The following DNAAF1 variants were observed in gnomAD, a reference collection of about 807,000 sequenced individuals.
DNAAF1 encodes dynein assembly factor 1, axonemal.
In DNAAF1, 65 loss-of-function variants were observed where a neutral mutation model predicts 71.1. The observed-to-expected ratio is 0.91, with a 90% CI of 0.75 to 1.12. The LOEUF (loss-of-function observed/expected upper bound fraction) is 1.12. Ranked by LOEUF, DNAAF1 falls within the 50% of genes most tolerant of loss-of-function variation. DNAAF1 has a pLI of 0.00. For synonymous variants in DNAAF1, 414 were observed against 354.6 expected (o/e 1.17, Z -1.88); for missense variants, 1,178 against 899.8 (o/e 1.31, Z -3.96).
chr16:84,168,950 G>A (rs1382384144), intron 7 of DNAAF1, among the ~76,000 whole-genome samples: 2 of 151,830 alleles, frequency 1.3e-5, no homozygotes, highest in Non-Finnish European at 2.9e-5. Flanking sequence ...AGAACTGCCT[G>A]CATTCTATTT....
chr16:84,148,391 AG>A (rs1200858715), intron 1 of DNAAF1, among the ~76,000 whole-genome samples: 3 of 152,190 alleles, frequency 2.0e-5, no homozygotes, highest in African/African-American at 7.2e-5. Context: ...TTATGTAACC[AG>A]CCCCTATGGA....
intron 10 of DNAAF1, chr16:84,174,960 A>G (rs1046003762): frequency 1.1e-5 from 5 of 472,474 alleles, no homozygotes; most frequent in Admixed American, 9.2e-5. Context: ...GGTTCAAGCA[A>G]TTCTCCTGTC....
chr16:84,159,636 CT>C (rs1282958540), intron 5 of DNAAF1, 38 bp from the exon 6 acceptor site: 1 of 1,582,834 alleles, frequency 6.3e-7, no homozygotes, highest in Non-Finnish European at 8.6e-7. Flanking sequence ...TCAATCGCAT[CT>C]TTCAGTAATC....
chr16:84,164,895 C>T (rs141947929), intron 6 of DNAAF1, among the ~76,000 whole-genome samples: 3 of 152,296 alleles, frequency 2.0e-5, no homozygotes, highest in Admixed American at 1.3e-4. Context: ...AACAAGTGAG[C>T]GTTGCCGGGA....
intron 3 of DNAAF1, 54 bp from the exon 4 acceptor site, chr16:84,154,523 A>G: frequency 1.3e-6 from 2 of 1,525,842 alleles, no homozygotes; most frequent in Non-Finnish European, 1.8e-6. Context: ...GGTGACCGTG[A>G]CCCCTCTGCC....
chr16:84,177,359 T>C (rs1307917527), intron 11 of DNAAF1: 3 of 350,364 alleles, frequency 8.6e-6, no homozygotes, highest in South Asian at 2.2e-5. Flanking sequence ...CACTGCAACC[T>C]CTGCCTCCTA....
intron 2 of DNAAF1, among the ~76,000 whole-genome samples, chr16:84,149,543 T>C (rs2087082725): frequency 6.7e-6 from 1 of 150,350 alleles, no homozygotes; most frequent in Non-Finnish European, 1.5e-5. Context: ...TACAAAAAAT[T>C]AGCTGGGCGT....
chr16:84,159,155 C>T (rs2087582299), intron 5 of DNAAF1: 8 of 995,670 alleles, frequency 8.0e-6, no homozygotes, highest in Non-Finnish European at 9.6e-6. Flanking sequence ...TAAGTGACAG[C>T]GGGGAGAGCT....
At chr16:84,167,014 A>G (rs1019744700) in intron 7 of DNAAF1, among the ~76,000 whole-genome samples, 2 of 152,022 alleles carry the variant, frequency 1.3e-5, no homozygotes, top group African/African-American at 4.8e-5. Context: ...GTGATGGGCA[A>G]TGGTCTCGCA....
intron 3 of DNAAF1, among the ~76,000 whole-genome samples, chr16:84,153,451 A>T (rs925223172): frequency 6.6e-6 from 1 of 152,242 alleles, no homozygotes; most frequent in Non-Finnish European, 1.5e-5. Context: ...ATAGGATTTT[A>T]AAAAGTCTAT....
rs544470561 is a variant in DNAAF1, at chr16:84,159,885, G to A, written c.863+89G>A. The A allele has an allele frequency of 1.8e-5, 27 of 1,489,042 alleles. No individual in the cohort carries two copies. The South Asian group carries it at 3.1e-4, about 17-fold the overall frequency. 92.2% of individuals were successfully genotyped at this position (1,489,042 alleles called of 1,614,324 possible). ...AACTTTTTAAATTTCTGATTCTTGA[G>A]AAATTTCACATATCAAAAATGTTCT... On this transcript the variant is annotated intron_variant, in intron 6 of 11. Transcript: ENST00000378553.
At chr16:84,176,513 C>A (rs1002686733) in intron 11 of DNAAF1, 75 of 694,854 alleles carry the variant, frequency 1.1e-4, no homozygotes, top group Non-Finnish European at 7.3e-6. Context: ...CAGGAAGCCA[C>A]CGAGCCAGCC....
chr16:84,175,769 C>G (rs1207547470), intron 10 of DNAAF1, 164 bp from the exon 11 acceptor site: 6 of 866,618 alleles, frequency 6.9e-6, no homozygotes, highest in Non-Finnish European at 1.1e-5. Context: ...AGTGGCCACC[C>G]CCAGGCCTAA....
Position 84,176,297 on chromosome 16 carries a change from CG to C in DNAAF1, c.2065+1del, listed in dbSNP as rs1567571110. ...AGCGACTTCCTTGCAGCCTCTTCTC[CG>C]GGTAAGAGCGTGGGGCCGAGAGCAC... ...RDSDFLAASS[P>X]VPTESAATPP... On this transcript the variant is annotated frameshift_variant and splice_region_variant, in exon 11 of 12. Transcript: ENST00000378553. LOFTEE classifies it low-confidence loss of function (END_TRUNC). The C allele has an allele frequency of 5.6e-6, 9 of 1,613,252 alleles. No individual in the cohort carries two copies. Among genetic ancestry groups the C allele is most frequent in the African/African-American group, 2.7e-5 (2 of 75,054 alleles).
intron 1 of DNAAF1, among the ~76,000 whole-genome samples, chr16:84,146,095 TCAAACAAA>T (rs149331390): frequency 0.012 from 1,772 of 151,946 alleles, 32 homozygotes; most frequent in African/African-American, 0.041. Flanking sequence ...AGACTCCGTC[TCAAACAAA>T]CAAACAAACA....
At chr16:84,167,588 G>T (rs548964829) in intron 7 of DNAAF1, among the ~76,000 whole-genome samples, 2 of 152,320 alleles carry the variant, frequency 1.3e-5, no homozygotes, top group East Asian at 1.9e-4. Context: ...TGGGGTTGAA[G>T]ACCAAATATT....
chr16:84,174,600 A>G, intron 9 of DNAAF1, 69 bp from the exon 10 acceptor site: 2 of 1,613,582 alleles, frequency 1.2e-6, no homozygotes, highest in Non-Finnish European at 1.7e-6. Flanking sequence ...GTTTGCCTTT[A>G]TCGTGCCTAT....
At position 84,149,057 on chromosome 16, in the gene DNAAF1, C is replaced by A. The variant is rs763000403; in HGVS notation, c.175C>A (p.His59Asn). Residue 59 changes from histidine (H) to asparagine (N), a missense_variant, in exon 2 of 12, where the codon CAC becomes AAC. Coordinates refer to ENST00000378553, the MANE Select transcript of DNAAF1 (RefSeq NM_178452.6). The part of the protein sequence containing the change: ...ICVGSSDTSY[H>N]SQQKQSGDNG... ...TGTGGGTTCTTCTGACACATCCTAC[C>A]ACAGCCAGCAGAAACAGAGTGGTGA... 6.2e-7 allele frequency: 1 copy of A among 1,614,064 alleles called. No individual in the cohort carries two copies. Among genetic ancestry groups the A allele is most frequent in the African/African-American group, 1.3e-5 (1 of 75,008 alleles).
rs567170080 is a variant in DNAAF1, at chr16:84,151,769, G to A, written c.352+1427G>A. Among the ~76,000 whole-genome samples, 11 of 152,270 alleles carry A rather than the reference G, an allele frequency of 7.2e-5. No homozygotes were observed. In the East Asian group the frequency reaches 1.4e-3, roughly 19 times the overall value. ...AGTCTCACTCATTCGATGGCTTGAC[G>A]AGGGCTAGAGAATCCACTTCCAGGC... On this transcript the variant is annotated intron_variant, in intron 3 of 11. Coordinates refer to ENST00000378553, the MANE Select transcript of DNAAF1 (RefSeq NM_178452.6).
Sources: gnomAD v4.1 joint callset for allele counts (sites outside exome capture counted in the v4.1 genomes callset) on GRCh38, gnomAD v4.1.1 for gene constraint, MANE v1.5 for transcripts, NCBI Gene and HGNC (gene_info 2026-07-23, HGNC 2026-07-21) for gene names.